Variants in MAGI2 observed in about 807,000 individuals in gnomAD.
MAGI2 encodes membrane-associated guanylate kinase, WW and PDZ domain-containing protein 2.
A neutral mutation model predicts 133.3 loss-of-function variants in MAGI2; 35 were observed. That is an observed-to-expected ratio of 0.26 (90% CI 0.20 to 0.35). The LOEUF is 0.35. MAGI2 is among the 10% of genes least tolerant of loss of function. The pLI is 1.00. For missense variants in MAGI2, 1,636 were observed against 1,863.4 expected, an observed-to-expected ratio of 0.88 and a Z score of 2.25; for synonymous variants, 729 against 710.6, an observed-to-expected ratio of 1.03 and a Z score of -0.41.
chr7:79,041,129 A>G (rs1289016440), intron 1 of MAGI2, among the ~76,000 whole-genome samples: 1 of 152,204 alleles, frequency 6.6e-6, no homozygotes, highest in Non-Finnish European at 1.5e-5. Context: ...TACTGGGATT[A>G]CAAATGTGAG....
At chr7:78,694,899 G>T (rs920020755) in intron 2 of MAGI2, among the ~76,000 whole-genome samples, 1 of 152,124 alleles carries the variant, frequency 6.6e-6, no homozygotes, top group Non-Finnish European at 1.5e-5. Flanking sequence ...GTGTTTTCTG[G>T]TAATCAGAAT....
At chr7:78,278,578 A>G (rs1399651139) in intron 9 of MAGI2, among the ~76,000 whole-genome samples, 9 of 152,096 alleles carry the variant, frequency 5.9e-5, no homozygotes, top group Non-Finnish European at 1.2e-4. Flanking sequence ...ATTCAATGAA[A>G]CCCTAATCTC....
intron 6 of MAGI2, among the ~76,000 whole-genome samples, chr7:78,385,479 T>G (rs2151301654): frequency 6.6e-6 from 1 of 152,276 alleles, no homozygotes; most frequent in South Asian, 2.1e-4. Context: ...ATTTAGTGTG[T>G]AACTGTAACA....
chr7:79,311,170 CA>C (rs766211869), intron 1 of MAGI2, among the ~76,000 whole-genome samples: 13 of 152,148 alleles, frequency 8.5e-5, no homozygotes, highest in African/African-American at 2.4e-4. Flanking sequence ...TTGCTAAAAC[CA>C]ATGATCAATT....
chr7:78,676,674 A>C (rs1815067284), intron 2 of MAGI2, among the ~76,000 whole-genome samples: 1 of 152,114 alleles, frequency 6.6e-6, no homozygotes, highest in Non-Finnish European at 1.5e-5. Flanking sequence ...CGGTGTTTTC[A>C]GTTTATTTTT....
chr7:78,778,740 A>G (rs948757724), intron 2 of MAGI2, among the ~76,000 whole-genome samples: 6 of 152,216 alleles, frequency 3.9e-5, no homozygotes, highest in Non-Finnish European at 8.8e-5. Context: ...GACTTTGGGC[A>G]AGATAACTTA....
chr7:78,768,003 C>G (rs1825201938), intron 2 of MAGI2, among the ~76,000 whole-genome samples: 1 of 152,168 alleles, frequency 6.6e-6, no homozygotes, highest in African/African-American at 2.4e-5. Flanking sequence ...GAGCTGTGAA[C>G]TATTTTCTAC....
chr7:78,808,125 G>A (rs1788738268), intron 2 of MAGI2, among the ~76,000 whole-genome samples: 1 of 152,156 alleles, frequency 6.6e-6, no homozygotes, highest in African/African-American at 2.4e-5. Context: ...GATGTGGTTA[G>A]GTAGAATTTA....
chr7:78,495,234 G>A (rs979906175), intron 5 of MAGI2, among the ~76,000 whole-genome samples: 1 of 152,048 alleles, frequency 6.6e-6, no homozygotes, highest in African/African-American at 2.4e-5. Context: ...TCCACATTAG[G>A]TATTTTTCCC....
intron 3 of MAGI2, among the ~76,000 whole-genome samples, chr7:78,530,627 T>C (rs1023627490): frequency 6.6e-6 from 1 of 152,184 alleles, no homozygotes; most frequent in African/African-American, 2.4e-5. Flanking sequence ...ATTTCCTCTA[T>C]AACTCCCTCT....
intron 1 of MAGI2, among the ~76,000 whole-genome samples, chr7:79,358,330 T>C (rs1842159782): frequency 6.6e-6 from 1 of 152,158 alleles, no homozygotes; most frequent in South Asian, 2.1e-4. Context: ...CCAAGTCAAC[T>C]AATCTTTCAA....
At chr7:78,540,081 G>A (rs1798283291) in intron 3 of MAGI2, among the ~76,000 whole-genome samples, 1 of 152,196 alleles carries the variant, frequency 6.6e-6, no homozygotes, top group Non-Finnish European at 1.5e-5. Flanking sequence ...ATATAAGCTT[G>A]CCCTTAGGTT....
chr7:78,454,468 AG>A (rs1355800905), intron 6 of MAGI2, among the ~76,000 whole-genome samples: 4 of 152,198 alleles, frequency 2.6e-5, no homozygotes, highest in Non-Finnish European at 5.9e-5. Context: ...CATTGCTGGT[AG>A]GAATGCAAAA....
intron 1 of MAGI2, among the ~76,000 whole-genome samples, chr7:79,443,977 T>C (rs1174356672): frequency 6.6e-6 from 1 of 152,222 alleles, no homozygotes; most frequent in Admixed American, 6.5e-5. Context: ...ATGAGGTTGA[T>C]AAAATTTCTT....
At chr7:79,434,621 C>T (rs1008335914) in intron 1 of MAGI2, among the ~76,000 whole-genome samples, 28 of 152,154 alleles carry the variant, frequency 1.8e-4, no homozygotes, top group Admixed American at 5.2e-4. Flanking sequence ...TAAATATATT[C>T]AGAAAGAAAT....
At chr7:79,314,147 T>A (rs1450376524) in intron 1 of MAGI2, among the ~76,000 whole-genome samples, 1 of 152,210 alleles carries the variant, frequency 6.6e-6, no homozygotes, top group East Asian at 1.9e-4. Flanking sequence ...CTAATTTTTA[T>A]ATTTTTAGTA....
At chr7:78,083,422 G>GAGAGAGAGAC (rs1816263936) in intron 20 of MAGI2, among the ~76,000 whole-genome samples, 7 of 146,626 alleles carry the variant, frequency 4.8e-5, no homozygotes, top group East Asian at 4.0e-4. Flanking sequence ...GAGAGAGAGA[G>GAGAGAGAGAC]AGAGAGAGAC....
At chr7:79,259,280 G>A (rs900179234) in intron 1 of MAGI2, among the ~76,000 whole-genome samples, 1 of 152,136 alleles carries the variant, frequency 6.6e-6, no homozygotes, top group African/African-American at 2.4e-5. Context: ...TAGGAATACA[G>A]TTCTTAACAT....
intron 1 of MAGI2, among the ~76,000 whole-genome samples, chr7:79,310,250 G>A (rs1399887984): frequency 7.3e-6 from 1 of 136,264 alleles, no homozygotes; most frequent in East Asian, 2.5e-4. Flanking sequence ...GCATTTTTGT[G>A]TACAAAATTA....
Sources: gnomAD v4.1 joint callset for allele counts (sites outside exome capture counted in the v4.1 genomes callset) on GRCh38, gnomAD v4.1.1 for gene constraint, MANE v1.5 for transcripts, NCBI Gene and HGNC (gene_info 2026-07-23, HGNC 2026-07-21) for gene names.